The following GRM4 variants were observed in gnomAD, a reference collection of about 807,000 sequenced individuals.
The protein encoded by GRM4 is metabotropic glutamate receptor 4.
GRM4 carries 28 observed loss-of-function variants against 81.7 expected under a neutral mutation model. The ratio of observed to expected loss-of-function variants is 0.34; its 90% confidence interval spans 0.25 to 0.47. GRM4 has a LOEUF of 0.47. Ranked by LOEUF, GRM4 falls within the 20% of genes least tolerant of loss-of-function variation. The pLI is 1.00. For synonymous variants in GRM4, 488 were observed against 528.8 expected (o/e 0.92, Z 1.06); for missense variants, 948 against 1,290.0 (o/e 0.73, Z 4.06).
chr6:34,154,413 C>A (rs942436057), intron 1 of GRM4, among the ~76,000 whole-genome samples: 2 of 152,170 alleles, frequency 1.3e-5, no homozygotes, highest in Non-Finnish European at 2.9e-5. Context: ...CACCCCTAGT[C>A]CAGAATTCCG....
upstream of GRM4, among the ~76,000 whole-genome samples, chr6:34,151,040 G>T (rs372493814): frequency 6.6e-6 from 1 of 151,460 alleles, no homozygotes. Flanking sequence ...TAAGCACCTG[G>T]TGCTGCCTCC....
chr6:34,067,357 C>T (rs1766520658), intron 3 of GRM4, among the ~76,000 whole-genome samples: 1 of 151,712 alleles, frequency 6.6e-6, no homozygotes, highest in South Asian at 2.1e-4. Flanking sequence ...TCTCTTCCTT[C>T]CTCCTTCCTT....
intron 1 of GRM4, among the ~76,000 whole-genome samples, chr6:34,140,073 G>C (rs759034357): frequency 2.0e-5 from 3 of 152,196 alleles, no homozygotes; most frequent in Admixed American, 6.5e-5. Context: ...AAAAAATAAG[G>C]CAGATAAGGG....
chr6:34,101,722 G>A (rs1768849989), intron 2 of GRM4, among the ~76,000 whole-genome samples: 1 of 152,238 alleles, frequency 6.6e-6, no homozygotes, highest in Non-Finnish European at 1.5e-5. Context: ...GGAAGGTTGT[G>A]TAAAACGGCT....
Position 34,022,573 on chromosome 6 carries a change from C to CA in GRM4, c.*247dup, listed in dbSNP as rs1763931067. The CA allele has an allele frequency of 1.8e-6, 1 of 557,232 alleles. No homozygotes were observed. Among genetic ancestry groups the CA allele is most frequent in the East Asian group, 3.0e-5 (1 of 33,174 alleles). 34.5% of individuals were successfully genotyped at this position (557,232 alleles called of 1,614,324 possible). A position where few individuals can be genotyped will look rare whatever the true frequency, so the allele number is the denominator to read the frequency against. On this transcript the variant is annotated 3_prime_UTR_variant, in exon 11 of 11. Transcript: ENST00000538487. This position sits in a 1 kb window ranked among gnomAD's most constrained non-coding sequence, Gnocchi z 5.6. ...CCCTGTGGTTTGGGGCCGGGAGGGG[C>CA]AATGGTCCAAGACGCAGGTTCTTGT...
intron 1 of GRM4, among the ~76,000 whole-genome samples, chr6:34,153,369 C>A (rs1771084560): frequency 6.6e-6 from 1 of 152,216 alleles, no homozygotes. Flanking sequence ...CAGCTCCAAG[C>A]CTCCATCCCC....
At chr6:34,106,888 A>G (rs1037813836) in intron 2 of GRM4, among the ~76,000 whole-genome samples, 7 of 152,252 alleles carry the variant, frequency 4.6e-5, no homozygotes, top group African/African-American at 7.2e-5. Flanking sequence ...CCTGCTTCTC[A>G]TTATCAGGTT....
At chr6:34,110,764 A>G in intron 2 of GRM4, 1 of 1,468,122 alleles carries the variant, frequency 6.8e-7, no homozygotes, top group Non-Finnish European at 9.0e-7. Flanking sequence ...CCAGGGCATC[A>G]GAGATCAAAG....
intron 6 of GRM4, chr6:34,056,299 C>T (rs1561778354): frequency 3.7e-6 from 2 of 535,616 alleles, no homozygotes; most frequent in East Asian, 3.2e-5. Context: ...ACATCAACCC[C>T]GAGGCGGCCA....
At chr6:34,107,826 C>T (rs900178987) in intron 2 of GRM4, among the ~76,000 whole-genome samples, 8 of 152,152 alleles carry the variant, frequency 5.3e-5, no homozygotes, top group Non-Finnish European at 1.0e-4. Context: ...CAGCCTGGAC[C>T]GGGGTGTCTA....
Position 34,059,028 on chromosome 6 carries a change from CCAGGTGCAGCACAGGTG to C in GRM4, c.956_972del (p.Ala319GlyfsTer5). 1 of 1,613,776 alleles carries C rather than the reference CCAGGTGCAGCACAGGTG, an allele frequency of 6.2e-7. No individual in the cohort carries two copies. The highest frequency in any genetic ancestry group is 8.5e-7 in the Non-Finnish European group (1 of 1,179,880). Reference sequence around the variant, plus strand: ...GTGACAGCACCCTCAGCCACCTCCTCCAGGTGCAGCACAGGTGCAATCTTGGAGCCCCAGCTGTCAGA... The same window carrying C: ...GTGACAGCACCCTCAGCCACCTCCTCCAATCTTGGAGCCCCAGCTGTCAGA... On this transcript the variant is annotated frameshift_variant, in exon 5 of 11. Transcript: ENST00000538487. LOFTEE classifies it high-confidence loss of function. This position sits in a 1 kb window ranked among gnomAD's most constrained non-coding sequence, Gnocchi z 5.7.
chr6:34,110,541 T>TCCTTCACA, intron 2 of GRM4: 1 of 534,038 alleles, frequency 1.9e-6, no homozygotes, highest in Non-Finnish European at 3.3e-6. Context: ...CAGAATATCC[T>TCCTTCACA]CCTTCACACC....
intron 2 of GRM4, among the ~76,000 whole-genome samples, chr6:34,109,826 C>T (rs145552542): frequency 1.6e-4 from 25 of 152,260 alleles, no homozygotes; most frequent in Middle Eastern, 3.4e-3. Context: ...AATCTGCCTC[C>T]CTGTCACTGT....
Position 34,040,186 on chromosome 6 carries a change from G to T in GRM4, c.1498C>A (p.His500Asn). The change falls in exon 8 of 11, where the codon CAC (histidine) becomes AAC (asparagine). Residue 500 changes from histidine (H) to asparagine (N), a missense_variant. Physicochemically the swap from His to Asn is moderately conservative, Grantham distance 68 (BLOSUM62 1). Coordinates refer to ENST00000538487, the MANE Select transcript of GRM4 (RefSeq NM_000841.4). ...KVIGSWTDHL[H>N]LRIERMHWPG... Reference sequence around the variant, plus strand: ...CCTGCCCTCCCACTTACTCTAAGGTGCAGGTGGTCAGTCCAGGAGCCAATG... The same window carrying T: ...CCTGCCCTCCCACTTACTCTAAGGTTCAGGTGGTCAGTCCAGGAGCCAATG... 6.2e-7 allele frequency: 1 copy of T among 1,613,984 alleles called. No individual in the cohort carries two copies. Among genetic ancestry groups the T allele is most frequent in the Non-Finnish European group, 8.5e-7 (1 of 1,179,852 alleles).
intron 1 of GRM4, chr6:34,155,029 C>T (rs1771120558): frequency 1.4e-6 from 2 of 1,404,938 alleles, no homozygotes; most frequent in Non-Finnish European, 1.9e-6. Flanking sequence ...CTGGGCACCT[C>T]CCCGTCCCAC....
intron 3 of GRM4, among the ~76,000 whole-genome samples, chr6:34,085,590 G>C (rs1278424614): frequency 6.6e-6 from 1 of 152,192 alleles, no homozygotes; most frequent in African/African-American, 2.4e-5. Context: ...GGTGGGAAGA[G>C]AGCTAAAGAA....
At chr6:34,135,218 T>A (rs1581732608) in intron 1 of GRM4, among the ~76,000 whole-genome samples, 1 of 152,080 alleles carries the variant, frequency 6.6e-6, no homozygotes, top group East Asian at 1.9e-4. Flanking sequence ...CCCTACAGAA[T>A]CCCTGACTGC....
intron 3 of GRM4, among the ~76,000 whole-genome samples, chr6:34,066,852 C>T (rs962353259): frequency 3.9e-5 from 6 of 152,054 alleles, no homozygotes; most frequent in East Asian, 1.9e-4. Flanking sequence ...GCAAGGGTGC[C>T]GCGGTCCTCA....
intron 2 of GRM4, among the ~76,000 whole-genome samples, chr6:34,103,284 G>C (rs1274837328): frequency 6.6e-6 from 1 of 152,182 alleles, no homozygotes; most frequent in African/African-American, 2.4e-5. Context: ...TCCCCAGAAA[G>C]CTCTTTATTC....
Sources: gnomAD v4.1 joint callset for allele counts (sites outside exome capture counted in the v4.1 genomes callset) on GRCh38, gnomAD v4.1.1 for gene constraint, Gnocchi (gnomAD v3.1) non-coding constraint, MANE v1.5 for transcripts, NCBI Gene and HGNC (gene_info 2026-07-23, HGNC 2026-07-21) for gene names.